CNBD1: variants seen among roughly 807,000 people sequenced by gnomAD.
CNBD1 encodes the protein cyclic nucleotide-binding domain-containing protein 1.
In CNBD1, 71 loss-of-function variants were observed where a neutral mutation model predicts 54.4. That is an observed-to-expected ratio of 1.30 (90% CI 1.08 to 1.59). The LOEUF is 1.59. Among genes scored for constraint, CNBD1 ranks in the 40% most tolerant of loss-of-function variants. CNBD1 has a pLI of 0.00. For synonymous variants in CNBD1, 182 were observed against 170.7 expected, an observed-to-expected ratio of 1.07 and a Z score of -0.51; for missense variants, 659 against 518.0, an observed-to-expected ratio of 1.27 and a Z score of -2.64.
At chr8:87,095,690 C>T (rs1032089259) in intron 4 of CNBD1, among the ~76,000 whole-genome samples, 2 of 152,174 alleles carry the variant, frequency 1.3e-5, no homozygotes, top group Non-Finnish European at 2.9e-5. Flanking sequence ...CGGAGTCTCG[C>T]TCTGTCGCCC....
intron 4 of CNBD1, among the ~76,000 whole-genome samples, chr8:87,056,673 G>A (rs1309760966): frequency 6.6e-6 from 1 of 151,746 alleles, no homozygotes; most frequent in Non-Finnish European, 1.5e-5. Context: ...CTATGTGAAG[G>A]TAATTATAAT....
chr8:86,887,465 G>C, intron 1 of CNBD1, 77 bp from the exon 2 acceptor site: 9 of 857,954 alleles, frequency 1.0e-5, no homozygotes, highest in Non-Finnish European at 1.7e-5. Flanking sequence ...ATGAATGTTT[G>C]CAATTAAACT....
At chr8:87,300,516 C>G (rs992067383) in intron 8 of CNBD1, among the ~76,000 whole-genome samples, 2 of 152,074 alleles carry the variant, frequency 1.3e-5, no homozygotes, top group Admixed American at 1.3e-4. Context: ...TATACTGGTA[C>G]GTTAGGGCCA....
chr8:87,258,729 T>C (rs1376329675), intron 6 of CNBD1, among the ~76,000 whole-genome samples: 2 of 152,154 alleles, frequency 1.3e-5, no homozygotes, highest in East Asian at 3.9e-4. Flanking sequence ...TCCTAATCAA[T>C]TTGACCATAA....
chr8:87,124,713 T>A (rs1315389446), intron 4 of CNBD1, among the ~76,000 whole-genome samples: 1 of 151,678 alleles, frequency 6.6e-6, no homozygotes, highest in Non-Finnish European at 1.5e-5. Context: ...TGGTGAGAAG[T>A]TAAAAGCTTT....
In CNBD1 at chr8:87,206,180, A is replaced by G. The variant is rs1982046; in HGVS notation, c.577+42A>G. On this transcript the variant is annotated intron_variant, in intron 5 of 10. Transcript: ENST00000518476. ...GGATAAATTTGGCGAGATAAAATGCAGGCCACTGTTTCGAGTTCTTTATCA... is the reference window on the plus strand; with the variant it reads ...GGATAAATTTGGCGAGATAAAATGCGGGCCACTGTTTCGAGTTCTTTATCA... The G allele has an allele frequency of 1.5e-3, 2,120 of 1,427,088 alleles. 34 individuals carry two copies. The African/African-American group carries it at 0.028, about 19-fold the overall frequency. The allele number at this position is 1,427,088 out of a possible 1,614,324, so 88.4% of individuals were successfully genotyped here.
intron 4 of CNBD1, among the ~76,000 whole-genome samples, chr8:87,055,495 G>T (rs1196893122): frequency 6.6e-6 from 1 of 151,966 alleles, no homozygotes; most frequent in African/African-American, 2.4e-5. Flanking sequence ...CTGAAAAGGG[G>T]AGGGAATGTT....
chr8:87,043,614 C>G (rs891461669), intron 4 of CNBD1, among the ~76,000 whole-genome samples: 3 of 152,182 alleles, frequency 2.0e-5, no homozygotes, highest in Admixed American at 2.0e-4. Flanking sequence ...GGAAACAGCT[C>G]TGCTATATGC....
rs1000755426 is a variant in CNBD1 at position 87,192,455 on chromosome 8, A to T, written c.432-13538A>T. 6.6e-5 allele frequency among the ~76,000 whole-genome samples: 10 copies of T among 152,190 alleles called. 1 individual carries two copies. Among genetic ancestry groups the T allele is most frequent in the African/African-American group, 2.2e-4 (9 of 41,446 alleles). ...TGATTTAATGTAGGGGCTAAAGTGG[A>T]TGGAAATCTACGCTCTGGAATGAGA... On this transcript the variant is annotated intron_variant, in intron 4 of 10. Coordinates refer to ENST00000518476, the MANE Select transcript of CNBD1 (RefSeq NM_173538.3).
intron 5 of CNBD1, among the ~76,000 whole-genome samples, chr8:87,214,790 C>G (rs1223296577): frequency 6.6e-6 from 1 of 152,026 alleles, no homozygotes; most frequent in Non-Finnish European, 1.5e-5. Flanking sequence ...AAATGGAAAC[C>G]CCTTCTAAAA....
chr8:87,324,707 G>C (rs1221210915), intron 8 of CNBD1, among the ~76,000 whole-genome samples: 5 of 151,490 alleles, frequency 3.3e-5, no homozygotes. Flanking sequence ...TTTCTTAGTA[G>C]TCTTGCTAGC....
At chr8:86,954,543 C>A (rs1807709471) in intron 4 of CNBD1, among the ~76,000 whole-genome samples, 1 of 150,126 alleles carries the variant, frequency 6.7e-6, no homozygotes, top group Non-Finnish European at 1.5e-5. Context: ...TTAAAACAAT[C>A]CTTTAATCCT....
In CNBD1 at chr8:86,866,557, C is replaced by G; in HGVS notation, c.62C>G (p.Pro21Arg). The change falls in exon 1 of 11, where the codon CCT becomes CGT. Residue 21 changes from proline (P) to arginine (R), a missense_variant. Coordinates refer to ENST00000518476, the MANE Select transcript of CNBD1 (RefSeq NM_173538.3). ...LSHMTAINNV[P>R]PPPLHSIPNL... ...CACATGACAGCTATTAACAATGTGC[C>G]TCCTCCTCCACTTCACAGTATACCA... The G allele has an allele frequency of 6.2e-7, 1 of 1,610,766 alleles. No homozygotes were observed. The highest frequency in any genetic ancestry group is 8.5e-7 in the Non-Finnish European group (1 of 1,178,202).
At chr8:87,304,775 G>A (rs1809106907) in intron 8 of CNBD1, among the ~76,000 whole-genome samples, 1 of 152,040 alleles carries the variant, frequency 6.6e-6, no homozygotes, top group Non-Finnish European at 1.5e-5. Context: ...TGTAATAAAA[G>A]CCATGTATGA....
chr8:87,271,122 C>T, intron 6 of CNBD1, among the ~76,000 whole-genome samples: 1 of 151,498 alleles, frequency 6.6e-6, no homozygotes, highest in Non-Finnish European at 1.5e-5. Context: ...TGTTATGTCT[C>T]CTTTTTCATT....
intron 4 of CNBD1, among the ~76,000 whole-genome samples, chr8:87,059,544 G>A (rs1265424006): frequency 6.6e-6 from 1 of 152,202 alleles, no homozygotes; most frequent in East Asian, 1.9e-4. Flanking sequence ...AATCATGATG[G>A]AAGGGGAAGC....
intron 8 of CNBD1, among the ~76,000 whole-genome samples, chr8:87,313,356 A>C (rs1809309706): frequency 6.6e-6 from 1 of 152,064 alleles, no homozygotes; most frequent in Non-Finnish European, 1.5e-5. Flanking sequence ...GAATAATGCA[A>C]TGAGAGTTAG....
intron 4 of CNBD1, among the ~76,000 whole-genome samples, chr8:87,103,414 G>T (rs1811471400): frequency 6.6e-6 from 1 of 152,170 alleles, no homozygotes; most frequent in Non-Finnish European, 1.5e-5. Context: ...AGAGAAAGAT[G>T]ATTGTATTAG....
At chr8:87,115,546 T>C (rs1218295192) in intron 4 of CNBD1, among the ~76,000 whole-genome samples, 1 of 152,172 alleles carries the variant, frequency 6.6e-6, no homozygotes, top group Non-Finnish European at 1.5e-5. Flanking sequence ...CCATACCTGA[T>C]AGACATGTGG....
Sources: gnomAD v4.1 joint callset for allele counts (sites outside exome capture counted in the v4.1 genomes callset) on GRCh38, gnomAD v4.1.1 for gene constraint, MANE v1.5 for transcripts, NCBI Gene and HGNC (gene_info 2026-07-23, HGNC 2026-07-21) for gene names.